Variants in NPAS3 observed in about 807,000 individuals in gnomAD.
The protein encoded by NPAS3 is neuronal PAS domain protein 3.
Under a neutral mutation model 73.1 loss-of-function variants are expected in NPAS3, and 14 were observed. The observed-to-expected ratio is 0.19, with a 90% CI of 0.13 to 0.30. The LOEUF is 0.30. Ranked by LOEUF, NPAS3 falls within the 10% of genes least tolerant of loss-of-function variation. NPAS3 has a pLI of 1.00. For missense variants in NPAS3, 1,096 were observed against 1,250.0 expected (o/e 0.88, Z 1.86); for synonymous variants, 620 against 541.5 (o/e 1.14, Z -2.01).
chr14:33,714,125 TAAAGTA>T (rs1445611188), intron 6 of NPAS3, among the ~76,000 whole-genome samples: 1 of 151,974 alleles, frequency 6.6e-6, no homozygotes, highest in Admixed American at 6.6e-5. Context: ...ACCCTAAACT[TAAAGTA>T]TAATAATAAT....
intron 5 of NPAS3, among the ~76,000 whole-genome samples, chr14:33,564,011 T>G (rs2055796794): frequency 1.3e-5 from 2 of 152,340 alleles, no homozygotes; most frequent in Middle Eastern, 3.4e-3. Flanking sequence ...GAAATATTTA[T>G]TTGTTGGCTT....
chr14:33,530,284 C>T (rs2053982589), intron 4 of NPAS3, among the ~76,000 whole-genome samples: 1 of 152,120 alleles, frequency 6.6e-6, no homozygotes, highest in South Asian at 2.1e-4. Flanking sequence ...AACAGATCAG[C>T]AATCACATAA....
chr14:33,170,542 G>A (rs181692120), intron 2 of NPAS3, among the ~76,000 whole-genome samples: 5 of 152,152 alleles, frequency 3.3e-5, no homozygotes, highest in Non-Finnish European at 5.9e-5. Flanking sequence ...CCATGTGATA[G>A]CATTTTATCC....
intron 3 of NPAS3, among the ~76,000 whole-genome samples, chr14:33,306,893 G>C (rs1466246314): frequency 6.6e-6 from 1 of 152,144 alleles, no homozygotes; most frequent in Non-Finnish European, 1.5e-5. Context: ...AGTCTTTGTG[G>C]AGGAAGTCAA....
At chr14:33,069,168 G>A (rs1566526502) in intron 2 of NPAS3, among the ~76,000 whole-genome samples, 1 of 152,336 alleles carries the variant, frequency 6.6e-6, no homozygotes, top group African/African-American at 2.4e-5. Context: ...AAAGAAGAGA[G>A]AGAGAAGTCG....
chr14:33,557,296 C>T (rs923560481), intron 4 of NPAS3, among the ~76,000 whole-genome samples: 4 of 152,122 alleles, frequency 2.6e-5, no homozygotes, highest in Admixed American at 6.5e-5. Flanking sequence ...AAGCTGGTTC[C>T]ATGGGAAATA....
chr14:33,455,559 T>A (rs1289737860), intron 4 of NPAS3, among the ~76,000 whole-genome samples: 1 of 152,162 alleles, frequency 6.6e-6, no homozygotes, highest in East Asian at 1.9e-4. Context: ...AAAACCAACT[T>A]CTTGAAGGCT....
At chr14:33,012,489 G>A (rs1196175886) in intron 1 of NPAS3, among the ~76,000 whole-genome samples, 1 of 151,354 alleles carries the variant, frequency 6.6e-6, no homozygotes, top group East Asian at 1.9e-4. Context: ...TAGACCCTAT[G>A]AGAATCTTCA....
chr14:33,473,907 G>T (rs1441782425), intron 4 of NPAS3, among the ~76,000 whole-genome samples: 1 of 152,174 alleles, frequency 6.6e-6, no homozygotes, highest in African/African-American at 2.4e-5. Flanking sequence ...GATCCACAAA[G>T]CCTCAAATAT....
intron 3 of NPAS3, among the ~76,000 whole-genome samples, chr14:33,219,256 A>G (rs56097754): frequency 0.015 from 2,300 of 152,296 alleles, 27 homozygotes; most frequent in Non-Finnish European, 0.025. Context: ...CTTTAAAGCA[A>G]TAGCCACTGA....
intron 7 of NPAS3, among the ~76,000 whole-genome samples, chr14:33,769,745 A>ATTTTTTTTTTT (rs5807743): frequency 9.7e-6 from 1 of 103,346 alleles, no homozygotes; most frequent in African/African-American, 3.8e-5. Flanking sequence ...AAAGACTTGG[A>ATTTTTTTTTTT]TTTTTTTTTT....
chr14:33,137,269 T>G (rs1264425425), intron 2 of NPAS3, among the ~76,000 whole-genome samples: 1 of 152,176 alleles, frequency 6.6e-6, no homozygotes, highest in Non-Finnish European at 1.5e-5. Context: ...ACTATTATAG[T>G]GAAAATCTCC....
chr14:33,106,678 A>G (rs1326262091), intron 2 of NPAS3, among the ~76,000 whole-genome samples: 1 of 152,188 alleles, frequency 6.6e-6, no homozygotes, highest in African/African-American at 2.4e-5. Flanking sequence ...CTATAATTTT[A>G]AAAGATCACC....
intron 1 of NPAS3, among the ~76,000 whole-genome samples, chr14:32,939,669 AAAAG>A (rs2035893254): frequency 1.3e-5 from 2 of 151,380 alleles, no homozygotes; most frequent in Non-Finnish European, 2.9e-5. Flanking sequence ...GAGAAAAAGA[AAAAG>A]AAACAAACAG....
chr14:33,209,898 T>C (rs1415803268), intron 2 of NPAS3, among the ~76,000 whole-genome samples: 1 of 152,210 alleles, frequency 6.6e-6, no homozygotes, highest in Non-Finnish European at 1.5e-5. Flanking sequence ...GAAGGATTTT[T>C]ACATAGAAAT....
At chr14:32,988,501 G>A (rs868259710) in intron 1 of NPAS3, among the ~76,000 whole-genome samples, 15 of 152,286 alleles carry the variant, frequency 9.8e-5, no homozygotes, top group Admixed American at 2.0e-4. Context: ...ATAGGAAACC[G>A]ATTAATCTAA....
At chr14:32,994,630 G>GTTTTTTTTTTTTTTTTTTTTTTTTTT (rs777136450) in intron 1 of NPAS3, among the ~76,000 whole-genome samples, 2 of 123,600 alleles carry the variant, frequency 1.6e-5, no homozygotes, top group African/African-American at 3.6e-5. Context: ...TTGTTTGTTT[G>GTTTTTTTTTTTTTTTTTTTTTTTTTT]TTTTTGTTTT....
At chr14:33,485,771 G>T (rs929857823) in intron 4 of NPAS3, among the ~76,000 whole-genome samples, 3 of 151,946 alleles carry the variant, frequency 2.0e-5, no homozygotes, top group Non-Finnish European at 4.4e-5. Flanking sequence ...TTTTTCACAA[G>T]ATCTCCTTGG....
At chr14:33,754,154 A>G (rs1031705492) in intron 7 of NPAS3, among the ~76,000 whole-genome samples, 1 of 152,192 alleles carries the variant, frequency 6.6e-6, no homozygotes, top group Non-Finnish European at 1.5e-5. Context: ...AAGAAGCTGC[A>G]TTACAGACAG....
Sources: gnomAD v4.1 joint callset for allele counts (sites outside exome capture counted in the v4.1 genomes callset) on GRCh38, gnomAD v4.1.1 for gene constraint, MANE v1.5 for transcripts, NCBI Gene and HGNC (gene_info 2026-07-23, HGNC 2026-07-21) for gene names.